SYCP1: variants seen among roughly 807,000 people sequenced by gnomAD.
SYCP1 encodes synaptonemal complex protein 1.
In SYCP1, 64 loss-of-function variants were observed where a neutral mutation model predicts 153.1. The ratio of observed to expected loss-of-function variants is 0.42; its 90% CI spans 0.34 to 0.51. The LOEUF (loss-of-function observed/expected upper bound fraction) is 0.51. SYCP1 is among the 20% of genes least tolerant of loss of function. SYCP1 has a pLI of 0.06. For synonymous variants in SYCP1, 384 were observed against 341.8 expected, an observed-to-expected ratio of 1.12 and a Z score of -1.36; for missense variants, 997 against 1,049.0, an observed-to-expected ratio of 0.95 and a Z score of 0.68.
chr1:114,979,419 T>C (rs1395843787), intron 28 of SYCP1, among the ~76,000 whole-genome samples: 6 of 151,718 alleles, frequency 4.0e-5, no homozygotes, highest in African/African-American at 1.4e-4. Flanking sequence ...TGGAAAGGGA[T>C]AGTTCAGTAT....
At chr1:114,907,624 C>T (rs1010319609) in intron 16 of SYCP1, among the ~76,000 whole-genome samples, 5 of 150,444 alleles carry the variant, frequency 3.3e-5, no homozygotes, top group Admixed American at 6.6e-5. Flanking sequence ...CTCTGTTGCC[C>T]AGGCTGGAGT....
At chr1:114,969,192 G>A (rs1025007832) in intron 27 of SYCP1, among the ~76,000 whole-genome samples, 1 of 152,190 alleles carries the variant, frequency 6.6e-6, no homozygotes, top group African/African-American at 2.4e-5. Flanking sequence ...CTGTCCCTTA[G>A]CAGAACTCGA....
intron 8 of SYCP1, among the ~76,000 whole-genome samples, chr1:114,863,414 A>G (rs1374845168): frequency 6.6e-6 from 1 of 152,102 alleles, no homozygotes; most frequent in Non-Finnish European, 1.5e-5. Context: ...TTAGCTGGGC[A>G]TGATGGCACG....
chr1:114,966,330 A>C lies in SYCP1; in HGVS notation c.2323-11227A>C, dbSNP rs188316242. Among the ~76,000 whole-genome samples the C allele has an allele frequency of 1.8e-3, 271 of 151,352 alleles. 1 individual carries two copies. In the Middle Eastern group the frequency reaches 0.02, roughly 11 times the overall value. ...CGTTGATTTTTTTGAAGGGTTTTTC[A>C]TGTCTCGATGTCCTTCAGTTCTGCT... On this transcript the variant is annotated intron_variant, in intron 27 of 31. Coordinates refer to ENST00000369522, the MANE Select transcript of SYCP1 (RefSeq NM_003176.4).
In SYCP1 at chr1:114,944,600, C is replaced by A. The variant is rs188982410; in HGVS notation, c.2043+145C>A. The A allele has an allele frequency of 3.2e-3, 1,985 of 615,670 alleles. 11 individuals are homozygous for A. Among genetic ancestry groups the A allele is most frequent in the Non-Finnish European group, 4.9e-3 (1,761 of 357,710 alleles). The allele number at this position is 615,670 out of a possible 1,614,324, so 38.1% of individuals were successfully genotyped here. ...TAAATTTATATAAGGGTCAGTTTAT[C>A]AGTTTTTATAGAAACTAAAAGTATC... On this transcript the variant is annotated intron_variant, in intron 24 of 31. Transcript: ENST00000369522.
intron 16 of SYCP1, 169 bp from the exon 17 acceptor site, chr1:114,910,228 T>C: frequency 2.2e-6 from 1 of 453,356 alleles, no homozygotes; most frequent in Non-Finnish European, 4.0e-6. Flanking sequence ...GAATTGTCTG[T>C]CATCATGTTT....
chr1:114,874,173 C>T (rs1665356865), intron 8 of SYCP1, among the ~76,000 whole-genome samples: 1 of 152,310 alleles, frequency 6.6e-6, no homozygotes, highest in African/African-American at 2.4e-5. Flanking sequence ...GTAATTCTCT[C>T]TGTGTTTGCC....
At chr1:114,973,124 A>G (rs373825129) in intron 27 of SYCP1, among the ~76,000 whole-genome samples, 28 of 152,106 alleles carry the variant, frequency 1.8e-4, no homozygotes, top group African/African-American at 6.5e-4. Flanking sequence ...AAAGATATAA[A>G]TATGATTTGG....
chr1:114,856,970 C>G (rs1325689453), intron 3 of SYCP1, among the ~76,000 whole-genome samples: 6 of 140,762 alleles, frequency 4.3e-5, no homozygotes, highest in Non-Finnish European at 9.3e-5. Flanking sequence ...CCACCACCCC[C>G]AAAACTAGCT....
At chr1:114,940,038 G>A (rs1206243982) in intron 23 of SYCP1, among the ~76,000 whole-genome samples, 1 of 151,924 alleles carries the variant, frequency 6.6e-6, no homozygotes, top group Admixed American at 6.6e-5. Context: ...TTGGTTATTT[G>A]TTCCTTCTTT....
At chr1:114,970,819 G>A (rs949464928) in intron 27 of SYCP1, among the ~76,000 whole-genome samples, 3 of 152,298 alleles carry the variant, frequency 2.0e-5, no homozygotes, top group African/African-American at 4.8e-5. Flanking sequence ...AGGTGGCAGG[G>A]CAGTGAAGCA....
At chr1:114,882,321 A>G (rs1570692888) in intron 12 of SYCP1, among the ~76,000 whole-genome samples, 1 of 152,188 alleles carries the variant, frequency 6.6e-6, no homozygotes, top group Non-Finnish European at 1.5e-5. Flanking sequence ...TTGCCTTTCT[A>G]TACCTTATCC....
At chr1:114,866,358 C>T (rs1664742669) in intron 8 of SYCP1, among the ~76,000 whole-genome samples, 1 of 152,082 alleles carries the variant, frequency 6.6e-6, no homozygotes, top group African/African-American at 2.4e-5. Context: ...TGTCAAAGTT[C>T]TGGATTTTGG....
chr1:114,984,769 A>T lies in SYCP1; in HGVS notation c.2604A>T (p.Arg868Ser). ...CAACAAAACCAAAACTACAGCAAAG[A>T]GAAAACTTGAATATACCCATTGAAG... ...KTPTKPKLQQ[R>S]ENLNIPIEES... The change falls in exon 30 of 32, where the codon AGA becomes AGT. Residue 868 changes from arginine to serine, a missense_variant. This residue lies in a region of SYCP1 where 712 missense variants were observed against 682.9 expected (regional missense o/e 1.04). Transcript: ENST00000369522. 6.6e-7 allele frequency: 1 copy of T among 1,508,010 alleles called. No individual in the cohort carries two copies. Among genetic ancestry groups the T allele is most frequent in the Non-Finnish European group, 8.8e-7 (1 of 1,132,264 alleles). The allele number at this position is 1,508,010 out of a possible 1,614,324, so 93.4% of individuals were successfully genotyped here.
At chr1:114,912,951 C>A in intron 18 of SYCP1, 82 bp from the exon 19 acceptor site, 1 of 925,620 alleles carries the variant, frequency 1.1e-6, no homozygotes, top group Non-Finnish European at 1.7e-6. Flanking sequence ...TCCCTTTCCC[C>A]TATCATTATG....
At chr1:114,888,106 A>G (rs1282333606) in intron 15 of SYCP1, among the ~76,000 whole-genome samples, 1 of 152,062 alleles carries the variant, frequency 6.6e-6, no homozygotes, top group Non-Finnish European at 1.5e-5. Flanking sequence ...ATGTGATCCT[A>G]TTTTATCATA....
At chr1:114,871,052 T>C (rs1056251530) in intron 8 of SYCP1, among the ~76,000 whole-genome samples, 5 of 152,234 alleles carry the variant, frequency 3.3e-5, no homozygotes, top group African/African-American at 7.2e-5. Flanking sequence ...CTTTTTAAAG[T>C]GATTTCACTA....
intron 17 of SYCP1, 92 bp from the exon 18 acceptor site, chr1:114,911,387 C>T (rs1364298758): frequency 1.1e-6 from 1 of 912,450 alleles, no homozygotes; most frequent in Non-Finnish European, 1.5e-6. Context: ...CAAATTTTTG[C>T]CAAATATATG....
chr1:114,883,483 G>T (rs1666088051), intron 12 of SYCP1, among the ~76,000 whole-genome samples: 1 of 152,162 alleles, frequency 6.6e-6, no homozygotes, highest in Non-Finnish European at 1.5e-5. Flanking sequence ...TTTAAGGCCT[G>T]AATTAGCAGT....
Sources: gnomAD v4.1 joint callset for allele counts (sites outside exome capture counted in the v4.1 genomes callset) on GRCh38, gnomAD v4.1.1 for gene constraint, gnomAD v4.1.1 regional missense constraint, MANE v1.5 for transcripts, NCBI Gene and HGNC (gene_info 2026-07-23, HGNC 2026-07-21) for gene names.